PDZD2: variants seen among roughly 807,000 people sequenced by gnomAD.
PDZD2 encodes the protein PDZ domain containing 2.
In PDZD2, 90 loss-of-function variants were observed where a neutral mutation model predicts 220.7. That is an observed-to-expected ratio of 0.41 (90% CI 0.34 to 0.49). The LOEUF is 0.49. Among genes scored for constraint, PDZD2 ranks in the 20% least tolerant of loss-of-function variants. The pLI is 0.28. For synonymous variants in PDZD2, 1,375 were observed against 1,450.5 expected (o/e 0.95, Z 1.18); for missense variants, 3,174 against 3,608.5 (o/e 0.88, Z 3.08).
At chr5:31,683,466 T>C (rs1032757796) in intron 1 of PDZD2, among the ~76,000 whole-genome samples, 5 of 152,154 alleles carry the variant, frequency 3.3e-5, no homozygotes, top group Non-Finnish European at 4.4e-5. Flanking sequence ...ATGGAAAATA[T>C]GTACATGGTT....
At position 32,108,200 on chromosome 5, in the gene PDZD2, A is replaced by G. The variant is rs1744987218; in HGVS notation, c.*65A>G. On this transcript the variant is annotated 3_prime_UTR_variant, in exon 25 of 25. Coordinates refer to ENST00000438447, the MANE Select transcript of PDZD2 (RefSeq NM_178140.4). Reference sequence around the variant, plus strand: ...TAGCAAATCAGAGTGACTTCTTTAAACCACAGGTTGTTGAAATGGCCAACA... The same window carrying G: ...TAGCAAATCAGAGTGACTTCTTTAAGCCACAGGTTGTTGAAATGGCCAACA... 8.6e-7 allele frequency: 1 copy of G among 1,165,124 alleles called. No homozygotes were observed. Among genetic ancestry groups the G allele is most frequent in the African/African-American group, 1.5e-5 (1 of 64,700 alleles). The allele number at this position is 1,165,124 out of a possible 1,614,324, so 72.2% of individuals were successfully genotyped here.
chr5:31,813,240 G>A (rs1011999592), intron 2 of PDZD2, among the ~76,000 whole-genome samples: 1 of 152,048 alleles, frequency 6.6e-6, no homozygotes, highest in Non-Finnish European at 1.5e-5. Context: ...CACGAGGTCA[G>A]GAGATGGAGA....
intron 2 of PDZD2, among the ~76,000 whole-genome samples, chr5:31,976,787 G>A (rs1031233694): frequency 7.4e-6 from 1 of 134,334 alleles, no homozygotes; most frequent in Non-Finnish European, 1.5e-5. Flanking sequence ...GTGCCATCTT[G>A]GCTCACTGCA....
At chr5:32,003,366 A>AC (rs1163358345) in intron 5 of PDZD2, among the ~76,000 whole-genome samples, 1 of 53,136 alleles carries the variant, frequency 1.9e-5, no homozygotes, top group African/African-American at 5.8e-5. Context: ...ACCACACCAC[A>AC]CACACACCAC....
intron 1 of PDZD2, among the ~76,000 whole-genome samples, chr5:31,650,933 T>C (rs1745327406): frequency 6.6e-6 from 1 of 152,214 alleles, no homozygotes; most frequent in African/African-American, 2.4e-5. Flanking sequence ...TGAGTCTTGC[T>C]AAAAGACTGG....
chr5:32,024,704 A>AGAAAGC, intron 6 of PDZD2, among the ~76,000 whole-genome samples: 1 of 35,932 alleles, frequency 2.8e-5, no homozygotes, highest in Non-Finnish European at 9.9e-5. Context: ...GAAAGAAAAA[A>AGAAAGC]AAGAAAAGGA....
In PDZD2 at chr5:31,995,721, G is replaced by A; in HGVS notation, c.1121+3G>A. ...AAGGAAGGAGGTGCCGCTCACAGGTGACTAGATAACTCTCCCCTCTCCCCC... is the reference window on the plus strand; with the variant it reads ...AAGGAAGGAGGTGCCGCTCACAGGTAACTAGATAACTCTCCCCTCTCCCCC... On this transcript the variant is annotated splice_donor_region_variant and intron_variant, in intron 4 of 24. Coordinates refer to ENST00000438447, the MANE Select transcript of PDZD2 (RefSeq NM_178140.4). 1 of 1,613,036 alleles carries A rather than the reference G, an allele frequency of 6.2e-7. No homozygotes were observed. The highest frequency in any genetic ancestry group is 8.5e-7 in the Non-Finnish European group (1 of 1,179,830).
rs1014131507 is a variant in PDZD2, at chr5:31,956,841, C to T, written c.477-26314C>T. Among the ~76,000 whole-genome samples the T allele has an allele frequency of 2.9e-4, 44 of 150,430 alleles. 1 individual carries two copies. The highest frequency in any genetic ancestry group is 9.7e-4 in the African/African-American group (40 of 41,086). On this transcript the variant is annotated intron_variant, in intron 2 of 24. Coordinates refer to ENST00000438447, the MANE Select transcript of PDZD2 (RefSeq NM_178140.4). Reference sequence around the variant, plus strand: ...AGCTTAGGTTCCTTTAAGCAACCTGCGTGAAGCATGGATAGATGACTTTGA... The same window carrying T: ...AGCTTAGGTTCCTTTAAGCAACCTGTGTGAAGCATGGATAGATGACTTTGA...
chr5:31,713,118 G>A (rs890160348), intron 1 of PDZD2, among the ~76,000 whole-genome samples: 2 of 152,208 alleles, frequency 1.3e-5, no homozygotes, highest in Admixed American at 1.3e-4. Context: ...GAGTGGCCTT[G>A]TGTCATTTAG....
chr5:31,899,440 C>T (rs573019786), intron 2 of PDZD2, among the ~76,000 whole-genome samples: 6 of 152,266 alleles, frequency 3.9e-5, no homozygotes, highest in Admixed American at 1.3e-4. Flanking sequence ...GCTGGAGCCT[C>T]TCTTTTCACA....
chr5:31,710,914 G>C (rs1748068334), intron 1 of PDZD2, among the ~76,000 whole-genome samples: 1 of 151,976 alleles, frequency 6.6e-6, no homozygotes, highest in South Asian at 2.1e-4. Context: ...ACCTAGTACA[G>C]TGTCTGGCAG....
intron 2 of PDZD2, among the ~76,000 whole-genome samples, chr5:31,815,995 T>C (rs1332584450): frequency 6.6e-6 from 1 of 152,026 alleles, no homozygotes; most frequent in Non-Finnish European, 1.5e-5. Flanking sequence ...AACTTAAACA[T>C]GACTGGGATT....
At chr5:31,732,118 A>AG in intron 1 of PDZD2, among the ~76,000 whole-genome samples, 1 of 152,280 alleles carries the variant, frequency 6.6e-6, no homozygotes, top group Admixed American at 6.5e-5. Flanking sequence ...GGAGCAGAGG[A>AG]GGGGCGCCTT....
chr5:31,869,836 C>T (rs1005182712), intron 2 of PDZD2, among the ~76,000 whole-genome samples: 6 of 152,182 alleles, frequency 3.9e-5, no homozygotes, highest in Admixed American at 1.3e-4. Flanking sequence ...GCTGTCGGCT[C>T]GGGCATCTGA....
chr5:31,971,790 G>C (rs1221271606), intron 2 of PDZD2, among the ~76,000 whole-genome samples: 1 of 151,986 alleles, frequency 6.6e-6, no homozygotes. Flanking sequence ...TTTGCACAAA[G>C]GTCTTTAACA....
chr5:32,033,806 A>T (rs1755313237), intron 6 of PDZD2, among the ~76,000 whole-genome samples: 1 of 152,030 alleles, frequency 6.6e-6, no homozygotes, highest in Non-Finnish European at 1.5e-5. Context: ...TTTAGTAGAG[A>T]TGGGGTTTCG....
chr5:31,908,596 A>G, intron 2 of PDZD2: 1 of 986,572 alleles, frequency 1.0e-6, no homozygotes. Context: ...TCAGGAAACT[A>G]GCTTCACCAG....
intron 2 of PDZD2, among the ~76,000 whole-genome samples, chr5:31,935,534 A>G (rs1238970803): frequency 1.3e-5 from 2 of 152,220 alleles, no homozygotes; most frequent in African/African-American, 4.8e-5. Context: ...GTCGGAGTAG[A>G]AAAGTTGTAA....
At chr5:32,071,612 T>C (rs374361959) in intron 16 of PDZD2, among the ~76,000 whole-genome samples, 194 bp downstream of exon 16, 2 of 152,328 alleles carry the variant, frequency 1.3e-5, no homozygotes, top group East Asian at 3.9e-4. Context: ...TAAACACTTA[T>C]CCAGGAAAAG....
Sources: allele counts gnomAD v4.1 joint callset (sites outside exome capture counted in the v4.1 genomes callset), GRCh38; gene constraint gnomAD v4.1.1; transcripts MANE v1.5; gene names NCBI Gene and HGNC (gene_info 2026-07-23, HGNC 2026-07-21).